TRIM13: variants seen among roughly 807,000 people sequenced by gnomAD.
The protein encoded by TRIM13 is tripartite motif containing 13.
Under a neutral mutation model 27.1 loss-of-function variants are expected in TRIM13, and 15 were observed. That is an observed-to-expected ratio of 0.55 (90% CI 0.37 to 0.85). The LOEUF (loss-of-function observed/expected upper bound fraction) is 0.85. Among genes scored for constraint, TRIM13 ranks in the 40% least tolerant of loss-of-function variants. TRIM13 has a pLI of 0.00. For synonymous variants in TRIM13, 193 were observed against 171.5 expected (o/e 1.13, Z -0.98); for missense variants, 402 against 472.2 (o/e 0.85, Z 1.38).
chr13:50,012,276 G>T lies in TRIM13; in HGVS notation c.336G>T (p.Leu112=), dbSNP rs375901357. 6.2e-7 allele frequency: 1 copy of T among 1,614,006 alleles called. No individual in the cohort carries two copies. The highest frequency in any genetic ancestry group is 1.3e-5 in the African/African-American group (1 of 74,926). ...LNIFCLTDMQ[L]ICGICATRGE... is the part of the protein sequence containing the mutation. ...TTTTCTGCCTGACTGATATGCAGCT[G>T]ATTTGTGGGATCTGTGCTACTCGTG... Residue 112 remains leucine (L), a synonymous_variant, in exon 2 of 2, where the codon CTG becomes CTT. Coordinates refer to ENST00000378182, the MANE Select transcript of TRIM13 (RefSeq NM_213590.3).
In TRIM13 at chr13:50,016,057, C is replaced by T; in HGVS notation, c.*2893C>T. On this transcript the variant is annotated 3_prime_UTR_variant, in exon 2 of 2. Coordinates refer to ENST00000378182, the MANE Select transcript of TRIM13 (RefSeq NM_213590.3). ...GTGGTTCTGACAGCACTACTGATAA[C>T]CAAACTGGAGTCAGGTATTTTGTAC... 1.2e-6 allele frequency: 2 copies of T among 1,612,714 alleles called. No individual in the cohort carries two copies. The highest frequency in any genetic ancestry group is 1.1e-5 in the South Asian group (1 of 91,060).
At position 50,001,419 on chromosome 13, in the gene TRIM13, A is replaced by C. The variant is rs911535435; in HGVS notation, c.-7+3656A>C. ...CGAGGTAATGAGTGACCTGGTTTAT[A>C]TTTCTGAGAATTTCACCTTAGTCTG... On this transcript the variant is annotated intron_variant, in intron 1 of 1. Coordinates refer to ENST00000378182, the MANE Select transcript of TRIM13 (RefSeq NM_213590.3). Among the ~76,000 whole-genome samples, 114 of 152,182 alleles carry C rather than the reference A, an allele frequency of 7.5e-4. 2 individuals carry two copies. Among genetic ancestry groups the C allele is most frequent in the South Asian group, 6.2e-4 (3 of 4,824 alleles).
intron 1 of TRIM13, among the ~76,000 whole-genome samples, chr13:50,002,614 A>T (rs1294629291): frequency 6.6e-6 from 1 of 152,082 alleles, no homozygotes; most frequent in African/African-American, 2.4e-5. Flanking sequence ...AATAGTTGTT[A>T]ATTAGACCCT....
chr13:50,010,241 G>T (rs1452077228), intron 1 of TRIM13, among the ~76,000 whole-genome samples: 1 of 151,724 alleles, frequency 6.6e-6, no homozygotes, highest in East Asian at 1.9e-4. Context: ...TTTTGTAGAG[G>T]TGGAGTTTTG....
intron 1 of TRIM13, 26 bp from the exon 2 acceptor site, chr13:50,011,909 A>G (rs1285168845): frequency 3.2e-6 from 5 of 1,563,730 alleles, no homozygotes; most frequent in Non-Finnish European, 4.3e-6. Context: ...TTATTGGAGT[A>G]AAATAATTTT....
Position 50,014,313 on chromosome 13 carries a change from C to CAAAAAAAAAA in TRIM13, c.*1172_*1181dup, listed in dbSNP as rs1173935698. 4 of 19,294 alleles carry CAAAAAAAAAA rather than the reference C, an allele frequency of 2.1e-4. No homozygotes were observed. Among genetic ancestry groups the CAAAAAAAAAA allele is most frequent in the African/African-American group, 3.1e-4 (2 of 6,390 alleles). The allele number at this position is 19,294 out of a possible 1,614,324, so 1.2% of individuals were successfully genotyped here. On this transcript the variant is annotated 3_prime_UTR_variant, in exon 2 of 2. Coordinates refer to ENST00000378182, the MANE Select transcript of TRIM13 (RefSeq NM_213590.3). The stretch of plus-strand genomic sequence containing the variant: ...AAACATAGCAAGACCCAGTCTCTAC[C>CAAAAAAAAAA]AAAAAAAAAAAAAAAAAAAAAAAAA...
At position 50,013,726 on chromosome 13, in the gene TRIM13, C is replaced by T. The variant is rs1383977229; in HGVS notation, c.*562C>T. 1 of 165,964 alleles carries T rather than the reference C, an allele frequency of 6.0e-6. No individual in the cohort carries two copies. The highest frequency in any genetic ancestry group is 6.6e-5 in the Admixed American group (1 of 15,220). The allele number at this position is 165,964 out of a possible 1,614,324, so 10.3% of individuals were successfully genotyped here. On this transcript the variant is annotated 3_prime_UTR_variant, in exon 2 of 2. Transcript: ENST00000378182. ...TTTAGTTGAGACAGGGTTTCACTGT[C>T]CCTTAAGACCATCCTGTTAGCCAAG...
rs1204313163 is a variant in TRIM13 at position 50,012,348 on chromosome 13, T to C, written c.408T>C (p.Ala136=). ...HVFCSIEDAY[A]QERDAFESLF... ...TCTGTTCTATTGAAGATGCCTATGCTCAGGAAAGGGATGCCTTTGAGTCCC... is the reference window on the plus strand; with the variant it reads ...TCTGTTCTATTGAAGATGCCTATGCCCAGGAAAGGGATGCCTTTGAGTCCC... The change falls in exon 2 of 2, where the codon GCT becomes GCC. Residue 136 remains alanine (A), a synonymous_variant. Transcript: ENST00000378182. 1 of 1,614,136 alleles carries C rather than the reference T, an allele frequency of 6.2e-7. No individual in the cohort carries two copies. The highest frequency in any genetic ancestry group is 1.6e-4 in the Middle Eastern group (1 of 6,062).
rs376131356 is a variant in TRIM13, at chr13:50,012,398, G to A, written c.458G>A (p.Arg153His). 1.1e-5 allele frequency: 17 copies of A among 1,614,140 alleles called. No homozygotes were observed. Among genetic ancestry groups the A allele is most frequent in the African/African-American group, 2.7e-5 (2 of 75,054 alleles). Residue 153 changes from arginine (R) to histidine (H), a missense_variant, in exon 2 of 2, where the codon CGT becomes CAT. Coordinates refer to ENST00000378182, the MANE Select transcript of TRIM13 (RefSeq NM_213590.3). ...ESLFQSFETWRRGDALSRLDT... is the reference protein window; with the variant it reads ...ESLFQSFETWHRGDALSRLDT... ...CTCTTCCAGAGCTTTGAGACCTGGCGTCGGGGAGATGCTCTTTCTCGCTTG... is the reference window on the plus strand; with the variant it reads ...CTCTTCCAGAGCTTTGAGACCTGGCATCGGGGAGATGCTCTTTCTCGCTTG...
chr13:50,010,955 C>T (rs79364907), intron 1 of TRIM13, among the ~76,000 whole-genome samples: 1 of 152,034 alleles, frequency 6.6e-6, no homozygotes. Context: ...TATTTTGTCA[C>T]GCAATATATT....
chr13:50,012,205 C>T lies in TRIM13; in HGVS notation c.265C>T (p.Pro89Ser), dbSNP rs1385599130. 4 of 1,614,022 alleles carry T rather than the reference C, an allele frequency of 2.5e-6. No homozygotes were observed. Among genetic ancestry groups the T allele is most frequent in the Non-Finnish European group, 3.4e-6 (4 of 1,180,030 alleles). ...AAAGTATAACAAGATCAAGATCTCT[C>T]CCAAAATGCCAGTATGCAAAGGACA... ...VEKYNKIKIS[P>S]KMPVCKGHLG... The change falls in exon 2 of 2, where the codon CCC (proline) becomes TCC (serine). Residue 89 changes from proline (P) to serine (S), a missense_variant. Pro to Ser is a moderately conservative substitution (Grantham distance 74). Around this residue, in one of 2 missense-constraint regions of TRIM13, gnomAD observed 202 missense variants for 277.5 expected, o/e 0.73. Transcript: ENST00000378182.
In TRIM13 at chr13:50,012,571, G is replaced by C; in HGVS notation, c.631G>C (p.Val211Leu). 1 of 1,614,138 alleles carries C rather than the reference G, an allele frequency of 6.2e-7. No homozygotes were observed. Among genetic ancestry groups the C allele is most frequent in the Non-Finnish European group, 8.5e-7 (1 of 1,180,022 alleles). ...TGACTTTGAGACCATGAAACTTGCTGTTATGCAAGCATATGACCCAGAGAT... is the reference window on the plus strand; with the variant it reads ...TGACTTTGAGACCATGAAACTTGCTCTTATGCAAGCATATGACCCAGAGAT... ...LSDFETMKLAVMQAYDPEINK... is the reference protein window; with the variant it reads ...LSDFETMKLALMQAYDPEINK... Residue 211 changes from valine to leucine, a missense_variant, in exon 2 of 2, where the codon GTT becomes CTT. Around this residue, in one of 2 missense-constraint regions of TRIM13, gnomAD observed 202 missense variants for 277.5 expected, o/e 0.73. Transcript: ENST00000378182.
chr13:49,999,319 C>T (rs1873723718), intron 1 of TRIM13, among the ~76,000 whole-genome samples: 2 of 152,122 alleles, frequency 1.3e-5, no homozygotes, highest in Admixed American at 1.3e-4. Flanking sequence ...TCACCACCTC[C>T]TCAAGCCTCT....
chr13:50,015,286 A>G lies in TRIM13; in HGVS notation c.*2122A>G, dbSNP rs758196363. Reference sequence around the variant, plus strand: ...CATCTGTTGCTTTTTCATTTTGTATACTGCAAGTTCCCAGGCAACTCGAAT... The same window carrying G: ...CATCTGTTGCTTTTTCATTTTGTATGCTGCAAGTTCCCAGGCAACTCGAAT... On this transcript the variant is annotated 3_prime_UTR_variant, in exon 2 of 2. Coordinates refer to ENST00000378182, the MANE Select transcript of TRIM13 (RefSeq NM_213590.3). 9 of 466,788 alleles carry G rather than the reference A, an allele frequency of 1.9e-5. No individual in the cohort carries two copies. Among genetic ancestry groups the G allele is most frequent in the Non-Finnish European group, 3.5e-5 (9 of 258,208 alleles). The allele number at this position is 466,788 out of a possible 1,614,324, so 28.9% of individuals were successfully genotyped here.
At chr13:50,008,192 A>G (rs1288733842) in intron 1 of TRIM13, among the ~76,000 whole-genome samples, 2 of 152,126 alleles carry the variant, frequency 1.3e-5, no homozygotes, top group Non-Finnish European at 2.9e-5. Flanking sequence ...GGCATGAGCC[A>G]CCCGTGCCCG....
At chr13:50,004,305 C>T (rs1874400281) in intron 1 of TRIM13, among the ~76,000 whole-genome samples, 1 of 151,590 alleles carries the variant, frequency 6.6e-6, no homozygotes, top group African/African-American at 2.4e-5. Flanking sequence ...AAAAAAAGTA[C>T]AAAAATTAAC....
rs1423881466 is a variant in TRIM13, at chr13:50,016,337, A to T, written c.*3173A>T. 2.7e-6 allele frequency: 1 copy of T among 376,792 alleles called. No homozygotes were observed. The highest frequency in any genetic ancestry group is 2.1e-5 in the African/African-American group (1 of 47,924). The allele number at this position is 376,792 out of a possible 1,614,324, so 23.3% of individuals were successfully genotyped here. A position where few individuals can be genotyped will look rare whatever the true frequency, so the allele number is the denominator to read the frequency against. On this transcript the variant is annotated 3_prime_UTR_variant, in exon 2 of 2. Coordinates refer to ENST00000378182, the MANE Select transcript of TRIM13 (RefSeq NM_213590.3). Reference sequence around the variant, plus strand: ...AACTGAGACTATGGACATTCAAATCATGGGAGAAAATAATTTTGTAGATTA... The same window carrying T: ...AACTGAGACTATGGACATTCAAATCTTGGGAGAAAATAATTTTGTAGATTA...
intron 1 of TRIM13, among the ~76,000 whole-genome samples, chr13:49,999,290 C>T (rs1217861879): frequency 6.6e-6 from 1 of 152,126 alleles, no homozygotes; most frequent in Non-Finnish European, 1.5e-5. Flanking sequence ...TCAAACCAGT[C>T]CCCTGGGCCC....
At chr13:50,011,118 C>CT (rs1390193627) in intron 1 of TRIM13, among the ~76,000 whole-genome samples, 1 of 152,192 alleles carries the variant, frequency 6.6e-6, no homozygotes, top group Non-Finnish European at 1.5e-5. Context: ...TCGATCCCTC[C>CT]TAAGGCTTCA....
Sources: gnomAD v4.1 joint callset for allele counts (sites outside exome capture counted in the v4.1 genomes callset) on GRCh38, gnomAD v4.1.1 for gene constraint, gnomAD v4.1.1 regional missense constraint, MANE v1.5 for transcripts, NCBI Gene and HGNC (gene_info 2026-07-23, HGNC 2026-07-21) for gene names.